The following CA5A variants were observed in gnomAD, a reference collection of about 807,000 sequenced individuals.
The protein encoded by CA5A is carbonic anhydrase 5A, mitochondrial.
A neutral mutation model predicts 37.1 loss-of-function variants in CA5A; 28 were observed. The ratio of observed to expected loss-of-function variants is 0.75; its 90% CI spans 0.56 to 1.03. CA5A has a LOEUF of 1.03. CA5A is among the 50% of genes least tolerant of loss of function. The pLI is 0.00. For synonymous variants in CA5A, 171 were observed against 158.4 expected, an observed-to-expected ratio of 1.08 and a Z score of -0.60; for missense variants, 444 against 399.9, an observed-to-expected ratio of 1.11 and a Z score of -0.94.
chr16:87,917,300 C>G (rs2056159851), intron 2 of CA5A, among the ~76,000 whole-genome samples: 1 of 152,100 alleles, frequency 6.6e-6, no homozygotes, highest in African/African-American at 2.4e-5. Context: ...AGTCCCGCTC[C>G]TAATTAGTGC....
intron 2 of CA5A, among the ~76,000 whole-genome samples, chr16:87,917,104 C>CAAAAAAAAA (rs762381468): frequency 1.5e-5 from 1 of 65,892 alleles, no homozygotes; most frequent in African/African-American, 4.7e-5. Flanking sequence ...GAGTCTGTCT[C>CAAAAAAAAA]AAAAAAAAAA....
chr16:87,923,887 T>C (rs1420218321), intron 2 of CA5A: 7 of 984,738 alleles, frequency 7.1e-6, no homozygotes, highest in South Asian at 4.7e-5. Flanking sequence ...CACACAAATA[T>C]TAACCCAAAC....
At chr16:87,893,649 G>T (rs540972466) in intron 5 of CA5A, 3 of 623,094 alleles carry the variant, frequency 4.8e-6, no homozygotes, top group Middle Eastern at 5.5e-4. Context: ...CCCTGGTGCC[G>T]ACAAGATAGC....
intron 3 of CA5A, among the ~76,000 whole-genome samples, chr16:87,903,319 T>C (rs980609152): frequency 4.6e-5 from 7 of 151,938 alleles, no homozygotes; most frequent in African/African-American, 1.7e-4. Flanking sequence ...TAATCCCAGC[T>C]ACTCAGAAGG....
chr16:87,904,754 C>T (rs763616826), intron 3 of CA5A, 32 bp downstream of exon 3: 7 of 1,278,650 alleles, frequency 5.5e-6, no homozygotes, highest in Non-Finnish European at 8.0e-6. Context: ...GGAAAGTGTG[C>T]AGATATGTGC....
At chr16:87,893,020 C>T in intron 5 of CA5A, 2 of 1,236,768 alleles carry the variant, frequency 1.6e-6, no homozygotes, top group Non-Finnish European at 2.3e-6. Context: ...CCGGAGATGG[C>T]AGACAAGAAT....
chr16:87,892,154 C>G, intron 5 of CA5A, 200 bp from the exon 6 acceptor site: 1 of 473,388 alleles, frequency 2.1e-6, no homozygotes, highest in Non-Finnish European at 3.7e-6. Flanking sequence ...TTCCTGCCAA[C>G]TTACATTGGT....
intron 2 of CA5A, among the ~76,000 whole-genome samples, chr16:87,908,478 G>C (rs995373155): frequency 1.3e-5 from 2 of 152,174 alleles, no homozygotes; most frequent in African/African-American, 4.8e-5. Context: ...AGCACCCTAG[G>C]GTTCTACGTA....
chr16:87,916,269 T>C (rs935119534), intron 2 of CA5A, among the ~76,000 whole-genome samples: 1 of 151,890 alleles, frequency 6.6e-6, no homozygotes, highest in Non-Finnish European at 1.5e-5. Flanking sequence ...TAGCTTGAGG[T>C]TGGGAGTTCG....
intron 2 of CA5A, among the ~76,000 whole-genome samples, chr16:87,926,279 C>T (rs1251054675): frequency 6.6e-6 from 1 of 152,168 alleles, no homozygotes; most frequent in Non-Finnish European, 1.5e-5. Context: ...CTGAAGCCTG[C>T]AGTGGTCTCA....
intron 3 of CA5A, among the ~76,000 whole-genome samples, 169 bp from the exon 4 acceptor site, chr16:87,902,689 G>T (rs1169674535): frequency 6.6e-6 from 1 of 151,792 alleles, no homozygotes; most frequent in African/African-American, 2.4e-5. Flanking sequence ...GGTGGATCAC[G>T]AGGTCAGGAG....
chr16:87,896,733 C>G (rs1164674486), intron 5 of CA5A, among the ~76,000 whole-genome samples: 1 of 152,220 alleles, frequency 6.6e-6, no homozygotes, highest in Non-Finnish European at 1.5e-5. Flanking sequence ...CTCCACCGCC[C>G]AGGTTCAAGC....
At chr16:87,900,820 G>A (rs1376305369) in intron 5 of CA5A, among the ~76,000 whole-genome samples, 4 of 152,254 alleles carry the variant, frequency 2.6e-5, no homozygotes, top group Non-Finnish European at 5.9e-5. Context: ...AATGTTATTA[G>A]TTAGGGATTT....
chr16:87,902,466 C>G lies in CA5A; in HGVS notation c.514G>C (p.Val172Leu), dbSNP rs142182110. The G allele has an allele frequency of 8.7e-6, 14 of 1,612,588 alleles. No individual in the cohort carries two copies. The highest frequency in any genetic ancestry group is 4.4e-5 in the South Asian group (4 of 91,046). ...ATCACAGCCAAACCATTCTCTCCCA[C>G]GACAGCTTCCTTGTAATTTTGGTAT... is the stretch of plus-strand genomic sequence containing the variant. ...VKYQNYKEAVVGENGLAVIGV... is the reference protein window; with the variant it reads ...VKYQNYKEAVLGENGLAVIGV... Residue 172 changes from valine to leucine, a missense_variant, in exon 4 of 7, where the codon GTG becomes CTG. Transcript: ENST00000649794.
At chr16:87,915,925 CA>C (rs1415712404) in intron 2 of CA5A, among the ~76,000 whole-genome samples, 1 of 151,760 alleles carries the variant, frequency 6.6e-6, no homozygotes, top group Non-Finnish European at 1.5e-5. Context: ...GGGTAATTTA[CA>C]AAGAAAAAGA....
chr16:87,922,509 A>C (rs771806575), intron 2 of CA5A, among the ~76,000 whole-genome samples: 5 of 152,228 alleles, frequency 3.3e-5, no homozygotes, highest in Non-Finnish European at 7.3e-5. Flanking sequence ...AGAAAATGAC[A>C]AGTGTGCCCT....
chr16:87,915,024 C>A (rs1430691403), intron 2 of CA5A, among the ~76,000 whole-genome samples: 1 of 152,248 alleles, frequency 6.6e-6, no homozygotes, highest in Non-Finnish European at 1.5e-5. Flanking sequence ...GGCCGCCGCA[C>A]CACCAGCTCC....
At chr16:87,923,153 T>A (rs898119244) in intron 2 of CA5A, among the ~76,000 whole-genome samples, 1 of 152,220 alleles carries the variant, frequency 6.6e-6, no homozygotes, top group African/African-American at 2.4e-5. Context: ...CTCTCTCTAG[T>A]GGCTTCTGTT....
At chr16:87,890,265 C>T (rs959174212) in intron 6 of CA5A, among the ~76,000 whole-genome samples, 11 of 152,216 alleles carry the variant, frequency 7.2e-5, no homozygotes, top group African/African-American at 2.4e-4. Flanking sequence ...CCCTCCCACC[C>T]TCTCTTGGTG....
Sources: allele counts gnomAD v4.1 joint callset (sites outside exome capture counted in the v4.1 genomes callset), GRCh38; gene constraint gnomAD v4.1.1; transcripts MANE v1.5; gene names NCBI Gene and HGNC (gene_info 2026-07-23, HGNC 2026-07-21).